SEMA5A: variants seen among roughly 807,000 people sequenced by gnomAD.
SEMA5A encodes the protein semaphorin 5A.
A neutral mutation model predicts 135.5 loss-of-function variants in SEMA5A; 55 were observed. The ratio of observed to expected loss-of-function variants is 0.41; its 90% CI spans 0.33 to 0.51. The LOEUF (loss-of-function observed/expected upper bound fraction) is 0.51, where lower values mean the gene tolerates loss of function less well. Among genes scored for constraint, SEMA5A ranks in the 20% least tolerant of loss-of-function variants. The probability of loss-of-function intolerance (pLI) is 0.37; values close to 1 mark genes in which losing one functional copy is unlikely to be tolerated. For synonymous variants in SEMA5A, 580 were observed against 546.5 expected, an observed-to-expected ratio of 1.06 and a Z score of -0.85; for missense variants, 1,290 against 1,419.9, an observed-to-expected ratio of 0.91 and a Z score of 1.47.
At chr5:9,449,904 C>T (rs1302740955) in intron 1 of SEMA5A, among the ~76,000 whole-genome samples, 1 of 152,192 alleles carries the variant, frequency 6.6e-6, no homozygotes, top group South Asian at 2.1e-4. Flanking sequence ...CATCTTTCCT[C>T]ACAATAAAAT....
At position 9,226,851 on chromosome 5, in the gene SEMA5A, C is replaced by T; in HGVS notation, c.432+18G>A. Reference sequence around the variant, plus strand: ...CTTCTGATATTAAATTCTTTTGAGGCACAAAAAGAAGCCATACCGAGCGGT... The same window carrying T: ...CTTCTGATATTAAATTCTTTTGAGGTACAAAAAGAAGCCATACCGAGCGGT... On this transcript the variant is annotated intron_variant, in intron 7 of 22. Coordinates refer to ENST00000382496, the MANE Select transcript of SEMA5A (RefSeq NM_003966.3). The T allele has an allele frequency of 1.3e-6, 2 of 1,586,622 alleles. No individual in the cohort carries two copies. The highest frequency in any genetic ancestry group is 1.7e-6 in the Non-Finnish European group (2 of 1,161,018).
intron 2 of SEMA5A, among the ~76,000 whole-genome samples, chr5:9,420,045 A>T (rs1757412845): frequency 6.6e-6 from 1 of 152,170 alleles, no homozygotes; most frequent in African/African-American, 2.4e-5. Context: ...TTCAAATAAC[A>T]TAAGGGCCTT....
intron 17 of SEMA5A, among the ~76,000 whole-genome samples, chr5:9,065,366 G>A (rs1230507376): frequency 1.3e-5 from 2 of 152,118 alleles, no homozygotes; most frequent in Non-Finnish European, 2.9e-5. Flanking sequence ...AGCCTTCCCT[G>A]TGGCAACACC....
chr5:9,295,084 C>T (rs1464057639), intron 5 of SEMA5A, among the ~76,000 whole-genome samples: 2 of 152,176 alleles, frequency 1.3e-5, no homozygotes. Flanking sequence ...ATTTTCATAG[C>T]CCCTGTCAGG....
intron 9 of SEMA5A, 111 bp downstream of exon 9, chr5:9,201,844 A>G: frequency 1.9e-6 from 2 of 1,071,572 alleles, no homozygotes; most frequent in Non-Finnish European, 1.3e-6. Flanking sequence ...AGCCCAGTAA[A>G]TTAAGAAAGA....
rs116672005 is a variant in SEMA5A, at chr5:9,441,599, C to T, written c.-174-3747G>A. 3.1e-3 allele frequency among the ~76,000 whole-genome samples: 473 copies of T among 152,116 alleles called. 1 individual carries two copies. The highest frequency in any genetic ancestry group is 0.011 in the African/African-American group (458 of 41,482). ...TCCACAAAGGTAAAAATCTGGACTG[C>T]AATGCCATAAGAATCACAGACAGAA... On this transcript the variant is annotated intron_variant, in intron 1 of 22. Transcript: ENST00000382496.
At chr5:9,218,378 A>T (rs1387939460) in intron 8 of SEMA5A, among the ~76,000 whole-genome samples, 1 of 152,128 alleles carries the variant, frequency 6.6e-6, no homozygotes, top group African/African-American at 2.4e-5. Flanking sequence ...GGCTGCCTGG[A>T]AGTTTGGGCA....
chr5:9,377,174 C>T (rs1755399539), intron 3 of SEMA5A, among the ~76,000 whole-genome samples: 1 of 150,784 alleles, frequency 6.6e-6, no homozygotes. Flanking sequence ...CAGCATATAT[C>T]ATTAGGTTAA....
intron 5 of SEMA5A, among the ~76,000 whole-genome samples, chr5:9,281,899 A>G (rs1272183652): frequency 6.8e-6 from 1 of 146,140 alleles, no homozygotes; most frequent in African/African-American, 2.6e-5. Context: ...ATCTTGGCTC[A>G]CTGCAACCTC....
At chr5:9,046,161 A>T (rs1736241093) in intron 21 of SEMA5A, among the ~76,000 whole-genome samples, 1 of 152,158 alleles carries the variant, frequency 6.6e-6, no homozygotes, top group African/African-American at 2.4e-5. Flanking sequence ...GCACATCCTG[A>T]GGACACCAGC....
chr5:9,441,311 A>G (rs1758223894), intron 1 of SEMA5A, among the ~76,000 whole-genome samples: 1 of 152,222 alleles, frequency 6.6e-6, no homozygotes, highest in South Asian at 2.1e-4. Context: ...CTAAGGGATG[A>G]GGAGGAGATA....
At chr5:9,256,619 T>C (rs1177615451) in intron 5 of SEMA5A, among the ~76,000 whole-genome samples, 1 of 152,248 alleles carries the variant, frequency 6.6e-6, no homozygotes, top group African/African-American at 2.4e-5. Context: ...TTCCTAACTA[T>C]TAATTGATTA....
chr5:9,272,500 T>C (rs546635522), intron 5 of SEMA5A, among the ~76,000 whole-genome samples: 46 of 152,114 alleles, frequency 3.0e-4, no homozygotes, highest in Non-Finnish European at 6.2e-4. Flanking sequence ...CAGCACAGCA[T>C]TTGAGCTCTG....
chr5:9,254,456 A>G (rs575950474), intron 5 of SEMA5A, among the ~76,000 whole-genome samples: 6 of 152,256 alleles, frequency 3.9e-5, no homozygotes, highest in African/African-American at 1.4e-4. Context: ...AGGTACCAGG[A>G]TGTGCAAAGT....
intron 11 of SEMA5A, among the ~76,000 whole-genome samples, chr5:9,160,603 T>G (rs527751234): frequency 6.6e-6 from 1 of 152,100 alleles, no homozygotes; most frequent in African/African-American, 2.4e-5. Flanking sequence ...AGAACCCTCC[T>G]CGGCACAGAT....
intron 1 of SEMA5A, among the ~76,000 whole-genome samples, chr5:9,531,658 G>A (rs567997979): frequency 6.6e-6 from 1 of 152,218 alleles, no homozygotes; most frequent in East Asian, 1.9e-4. Context: ...GGTCCTTGAG[G>A]CACGCTGGCA....
chr5:9,153,266 A>G (rs964231365), intron 12 of SEMA5A, among the ~76,000 whole-genome samples: 2 of 152,132 alleles, frequency 1.3e-5, no homozygotes, highest in Non-Finnish European at 2.9e-5. Context: ...ATTAAACAAG[A>G]TGCCTAAGAA....
chr5:9,127,537 C>A (rs955681656), intron 13 of SEMA5A, among the ~76,000 whole-genome samples: 1 of 152,300 alleles, frequency 6.6e-6, no homozygotes, highest in Admixed American at 6.5e-5. Flanking sequence ...TCTGTAAGTT[C>A]CCAATAAACT....
intron 1 of SEMA5A, among the ~76,000 whole-genome samples, chr5:9,522,115 C>T (rs1014819442): frequency 1.3e-4 from 20 of 152,218 alleles, no homozygotes; most frequent in African/African-American, 4.8e-4. Context: ...GTTACCTCCA[C>T]AGCCTGACAC....
Sources: allele counts gnomAD v4.1 joint callset (sites outside exome capture counted in the v4.1 genomes callset), GRCh38; gene constraint gnomAD v4.1.1; transcripts MANE v1.5; gene names NCBI Gene and HGNC (gene_info 2026-07-23, HGNC 2026-07-21).